COL5A2: variants seen among roughly 807,000 people sequenced by gnomAD.
COL5A2 encodes collagen type V alpha 2 chain.
COL5A2 carries 23 observed loss-of-function variants against 208.2 expected under a neutral mutation model. That is an observed-to-expected ratio of 0.11 (90% CI 0.08 to 0.16). The LOEUF is 0.16. COL5A2 is among the 10% of genes least tolerant of loss of function. COL5A2 has a pLI of 1.00. For missense variants in COL5A2, 1,590 were observed against 1,956.4 expected, an observed-to-expected ratio of 0.81 and a Z score of 3.53; for synonymous variants, 625 against 628.5, an observed-to-expected ratio of 0.99 and a Z score of 0.08.
At position 189,166,841 on chromosome 2, in the gene COL5A2, T is replaced by G. The variant is rs561690213; in HGVS notation, c.97+12667A>C. On this transcript the variant is annotated intron_variant, in intron 1 of 53. Coordinates refer to ENST00000374866, the MANE Select transcript of COL5A2 (RefSeq NM_000393.5). ...ATGACAAGAGCATAATATCATTAAA[T>G]CTGTGTCCTAGGACGCTAACTATAG... is the stretch of plus-strand genomic sequence containing the variant. 2.6e-5 allele frequency among the ~76,000 whole-genome samples: 4 copies of G among 152,354 alleles called. No individual in the cohort carries two copies. In the East Asian group the frequency reaches 7.7e-4, roughly 29 times the overall value.
At chr2:189,235,337 T>C in the COL5A2 span, among the ~76,000 whole-genome samples, 5 of 151,832 alleles carry the variant, frequency 3.3e-5, no homozygotes, top group Non-Finnish European at 5.9e-5. Context: ...TAAATAAATA[T>C]ATGCAAGAGT....
At chr2:189,413,783 ATTTTTTTTTTTT>A in the COL5A2 span, among the ~76,000 whole-genome samples, 9 of 79,196 alleles carry the variant, frequency 1.1e-4, no homozygotes, top group South Asian at 1.1e-3. Context: ...CCTTGGCGTC[ATTTTTTTTTTTT>A]TTTTTTTTTT....
In COL5A2 at chr2:189,070,855, C is replaced by G. The variant is rs13408124; in HGVS notation, c.1158+1185G>C. ...AGATCAGATTCAGAGGAGAACCCAA[C>G]AAGATCCCACCCACTTGAGTTCACA... On this transcript the variant is annotated intron_variant, in intron 18 of 53. Transcript: ENST00000374866. Among the ~76,000 whole-genome samples, 697 of 152,214 alleles carry G rather than the reference C, an allele frequency of 4.6e-3. 4 individuals carry two copies. The highest frequency in any genetic ancestry group is 0.015 in the African/African-American group (642 of 41,538).
intron 1 of COL5A2, among the ~76,000 whole-genome samples, chr2:189,125,779 T>C (rs1687596632): frequency 6.6e-6 from 1 of 152,022 alleles, no homozygotes; most frequent in South Asian, 2.1e-4. Context: ...TTGGGGGAAG[T>C]TGAAAGTTGT....
intron 1 of COL5A2, among the ~76,000 whole-genome samples, chr2:189,116,618 T>A (rs543755396): frequency 2.6e-5 from 4 of 152,282 alleles, no homozygotes; most frequent in African/African-American, 9.6e-5. Flanking sequence ...GGTAGGCCTA[T>A]GGGGTTTTAC....
At chr2:189,285,127 A>T in the COL5A2 span, among the ~76,000 whole-genome samples, 2 of 146,036 alleles carry the variant, frequency 1.4e-5, no homozygotes, top group Non-Finnish European at 3.0e-5. Flanking sequence ...AGTTCTCTTG[A>T]GGCTATATTC....
intron 1 of COL5A2, among the ~76,000 whole-genome samples, chr2:189,148,620 G>T (rs1288852729): frequency 6.6e-6 from 1 of 152,006 alleles, no homozygotes; most frequent in Non-Finnish European, 1.5e-5. Context: ...CCTCCAATAG[G>T]GTGTCAGAAA....
At chr2:189,144,325 G>C (rs1392528524) in intron 1 of COL5A2, among the ~76,000 whole-genome samples, 2 of 152,112 alleles carry the variant, frequency 1.3e-5, no homozygotes, top group African/African-American at 4.8e-5. Flanking sequence ...AGTTAGGAGA[G>C]TACAAGTTTT....
the COL5A2 span, among the ~76,000 whole-genome samples, chr2:189,332,195 G>A: frequency 6.6e-6 from 1 of 152,066 alleles, no homozygotes; most frequent in African/African-American, 2.4e-5. Context: ...AATTAGCTGA[G>A]GATTATAACA....
the COL5A2 span, among the ~76,000 whole-genome samples, chr2:189,242,288 G>A: frequency 6.6e-6 from 1 of 152,016 alleles, no homozygotes; most frequent in Non-Finnish European, 1.5e-5. Flanking sequence ...CATTTTTTAG[G>A]TGTTTTACAC....
At chr2:189,122,347 T>C (rs1034094796) in intron 1 of COL5A2, among the ~76,000 whole-genome samples, 1 of 151,980 alleles carries the variant, frequency 6.6e-6, no homozygotes, top group Non-Finnish European at 1.5e-5. Flanking sequence ...TTTGAGGTGG[T>C]GGGGGTAAGG....
the COL5A2 span, among the ~76,000 whole-genome samples, chr2:189,437,452 GCAA>G: frequency 1.8e-4 from 27 of 152,160 alleles, no homozygotes; most frequent in Non-Finnish European, 3.1e-4. Flanking sequence ...CACACTTTGT[GCAA>G]CAACATTTCA....
At chr2:189,141,959 T>A (rs1687942413) in intron 1 of COL5A2, among the ~76,000 whole-genome samples, 1 of 152,134 alleles carries the variant, frequency 6.6e-6, no homozygotes. Flanking sequence ...AGTAATTTTA[T>A]AAATAATGTC....
intron 42 of COL5A2, 82 bp downstream of exon 42, chr2:189,051,237 AT>A (rs570997320): frequency 2.9e-4 from 460 of 1,573,264 alleles, no homozygotes; most frequent in Non-Finnish European, 3.9e-4. Context: ...ATATTTAAGC[AT>A]TTTTGTGACA....
the COL5A2 span, among the ~76,000 whole-genome samples, chr2:189,397,772 T>C: frequency 6.6e-6 from 1 of 152,000 alleles, no homozygotes; most frequent in East Asian, 1.9e-4. Flanking sequence ...TTTGGCTTTT[T>C]AAAATTTCTT....
the COL5A2 span, among the ~76,000 whole-genome samples, chr2:189,343,797 GTCACAC>G: frequency 6.6e-6 from 1 of 152,020 alleles, no homozygotes; most frequent in African/African-American, 2.4e-5. Context: ...TGTCCAAAAA[GTCACAC>G]AAAGGTTACT....
the COL5A2 span, among the ~76,000 whole-genome samples, chr2:189,331,466 T>C: frequency 1.3e-5 from 2 of 152,224 alleles, no homozygotes; most frequent in East Asian, 1.9e-4. Flanking sequence ...AGGGAGATAA[T>C]TGAATAATGG....
intron 44 of COL5A2, among the ~76,000 whole-genome samples, chr2:189,048,639 A>T (rs1298013226): frequency 6.6e-6 from 1 of 152,226 alleles, no homozygotes; most frequent in Non-Finnish European, 1.5e-5. Context: ...TTGAAATAAA[A>T]TAACTGTTTC....
the COL5A2 span, among the ~76,000 whole-genome samples, chr2:189,248,586 C>T: frequency 6.6e-6 from 1 of 152,106 alleles, no homozygotes; most frequent in Non-Finnish European, 1.5e-5. Context: ...CTCTGTGCAT[C>T]CATTCATAGA....
Sources: gnomAD v4.1 joint callset for allele counts (sites outside exome capture counted in the v4.1 genomes callset) on GRCh38, gnomAD v4.1.1 for gene constraint, MANE v1.5 for transcripts, NCBI Gene and HGNC (gene_info 2026-07-23, HGNC 2026-07-21) for gene names.